The following FMN1 variants were observed in gnomAD, a reference collection of about 807,000 sequenced individuals.
FMN1 encodes the protein formin 1, also known as formin-1.
In FMN1, 110 loss-of-function variants were observed where a neutral mutation model predicts 132.4. The observed-to-expected ratio is 0.83, with a 90% CI of 0.71 to 0.97. The LOEUF is 0.97. FMN1 is among the 50% of genes least tolerant of loss of function. The pLI is 0.00. For missense variants in FMN1, 1,792 were observed against 1,705.3 expected (o/e 1.05, Z -0.90); for synonymous variants, 722 against 651.7 (o/e 1.11, Z -1.64).
intron 9 of FMN1, among the ~76,000 whole-genome samples, chr15:32,946,305 T>TACC (rs1567442984): frequency 1.3e-5 from 2 of 152,130 alleles, no homozygotes; most frequent in African/African-American, 4.8e-5. Context: ...TGAAAAAACC[T>TACC]ACCCACTGCC....
At chr15:32,986,316 A>G (rs2033067526) in intron 7 of FMN1, among the ~76,000 whole-genome samples, 1 of 152,170 alleles carries the variant, frequency 6.6e-6, no homozygotes, top group African/African-American at 2.4e-5. Flanking sequence ...AACAACAGTG[A>G]GAACCGGAAT....
intron 2 of FMN1, among the ~76,000 whole-genome samples, chr15:33,192,233 C>A (rs1966104745): frequency 6.6e-6 from 1 of 152,334 alleles, no homozygotes; most frequent in East Asian, 1.9e-4. Context: ...AGGAGAGAAG[C>A]ATTTCTCAAT....
intron 19 of FMN1, among the ~76,000 whole-genome samples, chr15:32,787,259 G>C (rs975675993): frequency 6.6e-6 from 1 of 152,066 alleles, no homozygotes; most frequent in Non-Finnish European, 1.5e-5. Context: ...GTTTCCAAAG[G>C]GTAGAAAAAT....
chr15:33,162,449 T>A (rs1310818310), intron 3 of FMN1, among the ~76,000 whole-genome samples: 1 of 150,960 alleles, frequency 6.6e-6, no homozygotes, highest in Non-Finnish European at 1.5e-5. Flanking sequence ...AGAGTCAACA[T>A]CATGTTTGTA....
At chr15:32,931,471 G>T (rs370306590) in intron 9 of FMN1, among the ~76,000 whole-genome samples, 15 of 152,022 alleles carry the variant, frequency 9.9e-5, no homozygotes, top group Non-Finnish European at 2.1e-4. Flanking sequence ...AAATGAAATT[G>T]TTTTCTTAAT....
chr15:32,943,224 A>G (rs1490375353), intron 9 of FMN1, among the ~76,000 whole-genome samples: 1 of 152,208 alleles, frequency 6.6e-6, no homozygotes, highest in South Asian at 2.1e-4. Context: ...ACGGTCAGCT[A>G]TATAGAACAA....
chr15:33,018,112 A>G (rs549536450), intron 6 of FMN1, among the ~76,000 whole-genome samples: 1 of 151,958 alleles, frequency 6.6e-6, no homozygotes, highest in South Asian at 2.1e-4. Flanking sequence ...TACCCCCTTA[A>G]GGTGATGGTA....
intron 4 of FMN1, among the ~76,000 whole-genome samples, chr15:33,110,455 G>A (rs1205563952): frequency 6.6e-6 from 1 of 151,458 alleles, no homozygotes; most frequent in African/African-American, 2.4e-5. Flanking sequence ...TGGTGATAAT[G>A]GAAGGTTTTT....
At chr15:33,029,084 T>C (rs1017663600) in intron 6 of FMN1, among the ~76,000 whole-genome samples, 2 of 152,064 alleles carry the variant, frequency 1.3e-5, no homozygotes, top group Non-Finnish European at 2.9e-5. Context: ...ACTTAAATAA[T>C]ACCATAAAAA....
chr15:32,844,975 C>A (rs2058824476), intron 17 of FMN1, among the ~76,000 whole-genome samples: 2 of 152,180 alleles, frequency 1.3e-5, no homozygotes, highest in Non-Finnish European at 2.9e-5. Context: ...AGAAACATAC[C>A]CGTATTATTT....
rs1464558921 is a variant in FMN1, at chr15:33,010,926, G to A, written c.2162-2851C>T. 1.2e-4 allele frequency among the ~76,000 whole-genome samples: 18 copies of A among 151,118 alleles called. No individual in the cohort carries two copies. In the East Asian group the frequency reaches 3.5e-3, roughly 29 times the overall value. On this transcript the variant is annotated intron_variant, in intron 6 of 20. Coordinates refer to ENST00000616417, the MANE Select transcript of FMN1 (RefSeq NM_001277313.2). ...AAAAAAAAAAAAATAAACGCAGAAA[G>A]ACAAGTGGGCAAGCCATGTTTCTGA...
intron 19 of FMN1, among the ~76,000 whole-genome samples, chr15:32,788,573 G>A (rs568788340): frequency 6.6e-5 from 10 of 152,276 alleles, no homozygotes; most frequent in African/African-American, 1.7e-4. Context: ...TCTCTCTGGC[G>A]CCCCTCAAAT....
chr15:32,901,885 T>C (rs2060305726), intron 13 of FMN1, 26 bp downstream of exon 13: 1 of 1,586,522 alleles, frequency 6.3e-7, no homozygotes, highest in Non-Finnish European at 8.6e-7. Context: ...AGCAAGGCTA[T>C]CTTTTAAATT....
At chr15:33,071,673 G>A (rs143296528) in intron 5 of FMN1, among the ~76,000 whole-genome samples, 15 of 152,262 alleles carry the variant, frequency 9.9e-5, no homozygotes, top group African/African-American at 3.4e-4. Flanking sequence ...ATGAACACGA[G>A]TAACAGGAGC....
chr15:33,028,905 A>G (rs1454197108), intron 6 of FMN1, among the ~76,000 whole-genome samples: 1 of 152,238 alleles, frequency 6.6e-6, no homozygotes, highest in Non-Finnish European at 1.5e-5. Flanking sequence ...TCCAAACAAC[A>G]AGTCATTTTC....
intron 17 of FMN1, among the ~76,000 whole-genome samples, chr15:32,835,282 G>T (rs1000366000): frequency 6.6e-6 from 1 of 152,104 alleles, no homozygotes; most frequent in Admixed American, 6.6e-5. Context: ...TTAAATAAGA[G>T]GCATCTCTTA....
chr15:33,030,637 T>C (rs1032322464), intron 6 of FMN1, among the ~76,000 whole-genome samples: 5 of 152,184 alleles, frequency 3.3e-5, no homozygotes, highest in Admixed American at 1.3e-4. Context: ...TATTTCTTCA[T>C]ATACAAGAAC....
chr15:33,161,778 T>C (rs1055301023), intron 3 of FMN1, among the ~76,000 whole-genome samples: 2 of 151,726 alleles, frequency 1.3e-5, no homozygotes, highest in African/African-American at 4.8e-5. Context: ...ATTAGCCAGG[T>C]GTGGTGGCGA....
chr15:33,123,969 T>C (rs1962809637), intron 4 of FMN1, among the ~76,000 whole-genome samples: 1 of 152,202 alleles, frequency 6.6e-6, no homozygotes, highest in South Asian at 2.1e-4. Context: ...CACAATTAGA[T>C]TCTTCCAGCT....
Sources: gnomAD v4.1 joint callset for allele counts (sites outside exome capture counted in the v4.1 genomes callset) on GRCh38, gnomAD v4.1.1 for gene constraint, MANE v1.5 for transcripts, NCBI Gene and HGNC (gene_info 2026-07-23, HGNC 2026-07-21) for gene names.